The following UBXN2B variants were observed in gnomAD, a reference collection of about 807,000 sequenced individuals.
The protein encoded by UBXN2B is UBX domain-containing protein 2B.
Under a neutral mutation model 37.5 loss-of-function variants are expected in UBXN2B, and 19 were observed. The ratio of observed to expected loss-of-function variants is 0.51; its 90% CI spans 0.35 to 0.74. UBXN2B has a LOEUF of 0.74. UBXN2B is among the 30% of genes least tolerant of loss of function. The probability of loss-of-function intolerance (pLI) is 0.01; values close to 1 mark genes in which losing one functional copy is unlikely to be tolerated. For synonymous variants in UBXN2B, 145 were observed against 143.8 expected (o/e 1.01, Z -0.06); for missense variants, 370 against 393.2 (o/e 0.94, Z 0.50).
chr8:58,420,556 A>G (rs774571672), intron 2 of UBXN2B, among the ~76,000 whole-genome samples: 5 of 152,240 alleles, frequency 3.3e-5, no homozygotes, highest in African/African-American at 2.4e-5. Flanking sequence ...GGTACTTCAT[A>G]TACTGCAGGA....
At chr8:58,414,762 G>T (rs563753367) in intron 1 of UBXN2B, among the ~76,000 whole-genome samples, 44 of 152,108 alleles carry the variant, frequency 2.9e-4, no homozygotes, top group African/African-American at 1.0e-3. Flanking sequence ...TTTTAATGAT[G>T]TACCGTTAAT....
At position 58,450,182 on chromosome 8, in the gene UBXN2B, A is replaced by G. The variant is rs1158154983; in HGVS notation, c.*2631A>G. On this transcript the variant is annotated 3_prime_UTR_variant, in exon 8 of 8. Transcript: ENST00000399598. ...AATCTTAGTTTTAGTGGCTTTTGCC[A>G]TTTGAATAGGCCGCGAATTTCCCAA... is the stretch of plus-strand genomic sequence containing the variant. 2.6e-5 allele frequency: 4 copies of G among 152,198 alleles called. No individual in the cohort carries two copies. The highest frequency in any genetic ancestry group is 9.7e-5 in the African/African-American group (4 of 41,446). 9.4% of individuals were successfully genotyped at this position (152,198 alleles called of 1,614,324 possible).
chr8:58,434,752 A>G (rs1808369651), intron 5 of UBXN2B: 1 of 1,490,500 alleles, frequency 6.7e-7, no homozygotes, highest in Admixed American at 2.2e-5. Context: ...ATCTGATGAA[A>G]CTATGAACCC....
chr8:58,424,629 C>T, intron 2 of UBXN2B: 1 of 1,221,444 alleles, frequency 8.2e-7, no homozygotes, highest in Non-Finnish European at 1.2e-6. Context: ...CCCACGTTTT[C>T]ATACACTCTA....
chr8:58,414,280 T>G (rs1317310402), intron 1 of UBXN2B, among the ~76,000 whole-genome samples: 1 of 152,210 alleles, frequency 6.6e-6, no homozygotes, highest in African/African-American at 2.4e-5. Flanking sequence ...GATTCATTGG[T>G]TCTAGAGTAG....
chr8:58,438,331 T>TGCCACCTCCAGACCCAGGAATGGTGGC (rs1808465250), intron 5 of UBXN2B, among the ~76,000 whole-genome samples: 1 of 151,812 alleles, frequency 6.6e-6, no homozygotes, highest in Non-Finnish European at 1.5e-5. Flanking sequence ...GGAAGGGAGG[T>TGCCACCTCCAGACCCAGGAATGGTGGC]GCCACCTCCA....
intron 2 of UBXN2B, chr8:58,425,969 C>G: frequency 6.9e-7 from 1 of 1,443,050 alleles, no homozygotes; most frequent in Non-Finnish European, 9.7e-7. Context: ...AAGAAAACTA[C>G]CATGTTTTCC....
chr8:58,431,903 T>G (rs188827893), intron 3 of UBXN2B, among the ~76,000 whole-genome samples: 12 of 152,358 alleles, frequency 7.9e-5, no homozygotes, highest in Admixed American at 6.5e-5. Flanking sequence ...CAAGGAAATA[T>G]CTCTTCATTA....
chr8:58,447,535 T>C lies in UBXN2B; in HGVS notation c.980T>C (p.Leu327Pro). 1 of 1,610,176 alleles carries C rather than the reference T, an allele frequency of 6.2e-7. No homozygotes were observed. The highest frequency in any genetic ancestry group is 1.3e-5 in the African/African-American group (1 of 74,998). ...LEADILNTVL[L>P]QQLK is the part of the protein sequence containing the mutation. ...GCAGATATTCTTAACACTGTGTTAC[T>C]CCAGCAACTAAAATAATATTGTTCC... The change falls in exon 8 of 8, where the codon CTC (leucine) becomes CCC (proline). Residue 327 changes from leucine (L) to proline (P), a missense_variant. By Grantham distance (98) the Leu-to-Pro change is moderately conservative (BLOSUM62 -3). Coordinates refer to ENST00000399598, the MANE Select transcript of UBXN2B (RefSeq NM_001077619.2).
At chr8:58,432,375 C>CTTT (rs34018318) in intron 3 of UBXN2B, among the ~76,000 whole-genome samples, 5,926 of 81,438 alleles carry the variant, frequency 0.073, 1,007 homozygotes, top group East Asian at 0.19. Context: ...TTCTAAATTT[C>CTTT]TTTTTTTTTT....
At chr8:58,426,586 T>G in intron 2 of UBXN2B, 1 of 752,762 alleles carries the variant, frequency 1.3e-6, no homozygotes, top group South Asian at 1.3e-5. Flanking sequence ...TTACTTTTAC[T>G]AGGCCTTGCC....
chr8:58,422,598 G>T (rs1169659080), intron 2 of UBXN2B, among the ~76,000 whole-genome samples: 1 of 152,244 alleles, frequency 6.6e-6, no homozygotes, highest in African/African-American at 2.4e-5. Context: ...GTTCAACCTG[G>T]CTGGAGGCCT....
rs1285041200 is a variant in UBXN2B at position 58,449,924 on chromosome 8, A to G, written c.*2373A>G. On this transcript the variant is annotated 3_prime_UTR_variant, in exon 8 of 8. Transcript: ENST00000399598. The stretch of plus-strand genomic sequence containing the variant: ...TGGGTCTTTTACATATGTCACAGGG[A>G]TGCACTCATTTAGATAGGAGGCTCC... The G allele has an allele frequency of 6.6e-6, 1 of 152,206 alleles. No individual in the cohort carries two copies. Among genetic ancestry groups the G allele is most frequent in the African/African-American group, 2.4e-5 (1 of 41,450 alleles). 9.4% of individuals were successfully genotyped at this position (152,206 alleles called of 1,614,324 possible).
intron 4 of UBXN2B, 95 bp downstream of exon 4, chr8:58,433,338 T>G: frequency 9.8e-7 from 1 of 1,018,484 alleles, no homozygotes; most frequent in Non-Finnish European, 1.4e-6. Context: ...TACAAATATA[T>G]TTTTGTTACT....
intron 2 of UBXN2B, chr8:58,425,944 C>T (rs1808071755): frequency 4.3e-6 from 6 of 1,395,172 alleles, no homozygotes; most frequent in Non-Finnish European, 6.1e-6. Context: ...CAAGGTGGCT[C>T]TGGCTCTCTC....
At chr8:58,412,673 A>G (rs1192929526) in intron 1 of UBXN2B, among the ~76,000 whole-genome samples, 1 of 152,234 alleles carries the variant, frequency 6.6e-6, no homozygotes, top group East Asian at 1.9e-4. Context: ...GCATGGAGTT[A>G]GTAGTCCCAC....
chr8:58,437,464 A>G (rs556036492), intron 5 of UBXN2B, among the ~76,000 whole-genome samples: 3 of 151,702 alleles, frequency 2.0e-5, no homozygotes, highest in African/African-American at 7.3e-5. Context: ...AGTAGGTGGA[A>G]TTACAGGTGC....
At chr8:58,441,348 C>CAT (rs33952664) in intron 6 of UBXN2B, among the ~76,000 whole-genome samples, 3,205 of 104,566 alleles carry the variant, frequency 0.031, 362 homozygotes, top group African/African-American at 0.11. Flanking sequence ...TTGTGATCAA[C>CAT]ATATATATAT....
intron 3 of UBXN2B, among the ~76,000 whole-genome samples, chr8:58,431,271 A>C (rs977534202): frequency 6.6e-6 from 1 of 152,228 alleles, no homozygotes; most frequent in Non-Finnish European, 1.5e-5. Flanking sequence ...ATCACAGTTC[A>C]AGACCAGCCT....
Sources: allele counts gnomAD v4.1 joint callset (sites outside exome capture counted in the v4.1 genomes callset), GRCh38; gene constraint gnomAD v4.1.1; transcripts MANE v1.5; gene names NCBI Gene and HGNC (gene_info 2026-07-23, HGNC 2026-07-21).